The following MSH4 variants were observed in gnomAD, a reference collection of about 807,000 sequenced individuals.
MSH4 encodes the protein mutS homolog 4.
Under a neutral mutation model 113.7 loss-of-function variants are expected in MSH4, and 106 were observed. The ratio of observed to expected loss-of-function variants is 0.93; its 90% confidence interval spans 0.80 to 1.10. The LOEUF (loss-of-function observed/expected upper bound fraction) is 1.10. Among genes scored for constraint, MSH4 ranks in the 50% least tolerant of loss-of-function variants. The pLI is 0.00. For missense variants in MSH4, 1,061 were observed against 1,093.7 expected (o/e 0.97, Z 0.42); for synonymous variants, 368 against 380.2 (o/e 0.97, Z 0.37).
chr1:75,822,307 G>T (rs878974131), intron 6 of MSH4, 102 bp from the exon 7 acceptor site: 540 of 398,346 alleles, frequency 1.4e-3, no homozygotes, highest in Non-Finnish European at 1.9e-3. Context: ...AAAAAAAAAA[G>T]AATCATTGCT....
chr1:75,867,450 G>A, intron 8 of MSH4, 64 bp from the exon 9 acceptor site: 1 of 885,314 alleles, frequency 1.1e-6, no homozygotes, highest in South Asian at 1.4e-5. Context: ...TGTTCAAGAG[G>A]AAAACCCATT....
rs114337198 is a variant in MSH4 at position 75,907,802 on chromosome 1, C to T, written c.2620-4894C>T. On this transcript the variant is annotated intron_variant, in intron 19 of 19. Coordinates refer to ENST00000263187, the MANE Select transcript of MSH4 (RefSeq NM_002440.4). ...CTATATCTTGGCTTACTGCAACCTCCGCTTCTTGGATTCAAGTATTTCTTG... is the reference window on the plus strand; with the variant it reads ...CTATATCTTGGCTTACTGCAACCTCTGCTTCTTGGATTCAAGTATTTCTTG... Among the ~76,000 whole-genome samples, 881 of 148,672 alleles carry T rather than the reference C, an allele frequency of 5.9e-3. 4 individuals are homozygous for T. Among genetic ancestry groups the T allele is most frequent in the African/African-American group, 0.021 (842 of 40,206 alleles).
intron 18 of MSH4, among the ~76,000 whole-genome samples, chr1:75,898,413 C>G (rs1652431036): frequency 6.6e-6 from 1 of 151,956 alleles, no homozygotes; most frequent in Non-Finnish European, 1.5e-5. Flanking sequence ...ATTTTCTACA[C>G]AATCTTTCAG....
At chr1:75,884,284 A>G (rs1652004812) in intron 15 of MSH4, among the ~76,000 whole-genome samples, 1 of 152,126 alleles carries the variant, frequency 6.6e-6, no homozygotes, top group Non-Finnish European at 1.5e-5. Context: ...ACTTGGCCAT[A>G]GCAGTTGATA....
chr1:75,891,335 T>C (rs1474750085), intron 17 of MSH4, among the ~76,000 whole-genome samples: 1 of 152,174 alleles, frequency 6.6e-6, no homozygotes, highest in Non-Finnish European at 1.5e-5. Context: ...TCACAATATA[T>C]ACAGATATGA....
intron 19 of MSH4, among the ~76,000 whole-genome samples, chr1:75,900,050 TTA>T (rs1323665095): frequency 6.6e-6 from 1 of 151,930 alleles, no homozygotes; most frequent in Non-Finnish European, 1.5e-5. Context: ...ATTTGTATAA[TTA>T]TATATTTTTT....
At position 75,897,476 on chromosome 1, in the gene MSH4, T is replaced by TAC. The variant is rs567461431; in HGVS notation, c.2356-429_2356-428dup. On this transcript the variant is annotated intron_variant, in intron 17 of 19. Coordinates refer to ENST00000263187, the MANE Select transcript of MSH4 (RefSeq NM_002440.4). ...CTTGATTCCACTGCCAAAACCTACTTACAACTAGGGAGGCTACTTTTATAG... is the reference window on the plus strand; with the variant it reads ...CTTGATTCCACTGCCAAAACCTACTTACACAACTAGGGAGGCTACTTTTATAG... Among the ~76,000 whole-genome samples the TAC allele has an allele frequency of 4.6e-5, 7 of 152,248 alleles. No individual in the cohort carries two copies. The South Asian group carries it at 1.2e-3, about 27-fold the overall frequency.
At position 75,913,140 on chromosome 1, in the gene MSH4, C is replaced by G. The variant is rs1227483940; in HGVS notation, c.*253C>G. ...ACACCACTTTTTTCTCACAAAAATT[C>G]ACATTATTAAGACCTAAGTTCATTT... On this transcript the variant is annotated 3_prime_UTR_variant, in exon 20 of 20. Transcript: ENST00000263187. 1.0e-5 allele frequency: 2 copies of G among 199,712 alleles called. No individual in the cohort carries two copies. The highest frequency in any genetic ancestry group is 2.0e-5 in the Non-Finnish European group (2 of 100,502). The allele number at this position is 199,712 out of a possible 1,614,324, so 12.4% of individuals were successfully genotyped here. A position where few individuals can be genotyped will look rare whatever the true frequency, so the allele number is the denominator to read the frequency against.
intron 19 of MSH4, among the ~76,000 whole-genome samples, chr1:75,909,730 G>A (rs1021464): frequency 0.13 from 19,632 of 145,894 alleles, 1,474 homozygotes; most frequent in East Asian, 0.27. Context: ...CTTCTTTTAC[G>A]ATAACTCTTT....
intron 7 of MSH4, among the ~76,000 whole-genome samples, chr1:75,830,444 G>T (rs4347163): frequency 6.6e-6 from 1 of 151,866 alleles, no homozygotes; most frequent in African/African-American, 2.4e-5. Flanking sequence ...AGAGAACGCC[G>T]CAAAGATACT....
At chr1:75,837,603 G>T (rs1383471833) in intron 7 of MSH4, among the ~76,000 whole-genome samples, 1 of 151,976 alleles carries the variant, frequency 6.6e-6, no homozygotes, top group Non-Finnish European at 1.5e-5. Flanking sequence ...GGCCAGGCTG[G>T]TCTCAAACTC....
chr1:75,893,522 C>T (rs180990029), intron 17 of MSH4, among the ~76,000 whole-genome samples: 168 of 152,202 alleles, frequency 1.1e-3, no homozygotes, highest in Admixed American at 0.011. Context: ...ACCACTTCAC[C>T]GCATCTGAGG....
At chr1:75,903,516 T>A (rs1436836935) in intron 19 of MSH4, among the ~76,000 whole-genome samples, 3 of 152,146 alleles carry the variant, frequency 2.0e-5, no homozygotes, top group South Asian at 2.1e-4. Context: ...TTTGAAGTAT[T>A]TTGTGGTTCC....
At chr1:75,816,766 A>G (rs1216773661) in intron 6 of MSH4, among the ~76,000 whole-genome samples, 2 of 152,098 alleles carry the variant, frequency 1.3e-5, no homozygotes, top group Non-Finnish European at 2.9e-5. Context: ...AGTTGGGACT[A>G]CAGGCATGTG....
At chr1:75,878,873 C>T (rs1333869669) in intron 11 of MSH4, 119 bp from the exon 12 acceptor site, 6 of 834,138 alleles carry the variant, frequency 7.2e-6, no homozygotes, top group Non-Finnish European at 1.1e-5. Context: ...AACAAGACCT[C>T]CTATTTATGT....
At chr1:75,884,491 C>A (rs918888718) in intron 15 of MSH4, among the ~76,000 whole-genome samples, 5 of 151,956 alleles carry the variant, frequency 3.3e-5, no homozygotes, top group African/African-American at 1.2e-4. Flanking sequence ...TGATCCCTTA[C>A]CTCCCAACTC....
At chr1:75,822,875 G>A (rs530477221) in intron 7 of MSH4, among the ~76,000 whole-genome samples, 4 of 151,646 alleles carry the variant, frequency 2.6e-5, no homozygotes, top group South Asian at 2.1e-4. Flanking sequence ...TTTCTCCATG[G>A]TAATCCTCAA....
chr1:75,835,136 G>T (rs1317562587), intron 7 of MSH4, among the ~76,000 whole-genome samples: 1 of 152,092 alleles, frequency 6.6e-6, no homozygotes, highest in African/African-American at 2.4e-5. Context: ...TTGTGTTCTG[G>T]TAGTCTAAAT....
At chr1:75,859,054 A>C (rs1346243804) in intron 8 of MSH4, among the ~76,000 whole-genome samples, 2 of 152,252 alleles carry the variant, frequency 1.3e-5, no homozygotes, top group Admixed American at 1.3e-4. Context: ...ATTTGCATAG[A>C]GGTGTTTATA....
Sources: allele counts gnomAD v4.1 joint callset (sites outside exome capture counted in the v4.1 genomes callset), GRCh38; gene constraint gnomAD v4.1.1; transcripts MANE v1.5; gene names NCBI Gene and HGNC (gene_info 2026-07-23, HGNC 2026-07-21).